The following CIAO3 variants were observed in gnomAD, a reference collection of about 807,000 sequenced individuals.
CIAO3 encodes LET1 like/JFP15.
A neutral mutation model predicts 51.5 loss-of-function variants in CIAO3; 45 were observed. The ratio of observed to expected loss-of-function variants is 0.87; its 90% CI spans 0.69 to 1.12. The LOEUF (loss-of-function observed/expected upper bound fraction) is 1.12, where lower values mean the gene tolerates loss of function less well. Among genes scored for constraint, CIAO3 ranks in the 50% most tolerant of loss-of-function variants. CIAO3 has a pLI of 0.00. For synonymous variants in CIAO3, 314 were observed against 269.3 expected, an observed-to-expected ratio of 1.17 and a Z score of -1.63; for missense variants, 668 against 632.5, an observed-to-expected ratio of 1.06 and a Z score of -0.60.
intron 2 of CIAO3, among the ~76,000 whole-genome samples, chr16:738,762 C>G (rs1427039767): frequency 6.6e-6 from 1 of 151,600 alleles, no homozygotes; most frequent in Non-Finnish European, 1.5e-5. Flanking sequence ...ATTCTCCTGC[C>G]TCACCCTCTT....
chr16:729,894 A>T lies in CIAO3; in HGVS notation c.*523T>A. 5.2e-6 allele frequency: 2 copies of T among 383,332 alleles called. No individual in the cohort carries two copies. The highest frequency in any genetic ancestry group is 4.6e-5 in the South Asian group (2 of 43,852). 23.7% of individuals were successfully genotyped at this position (383,332 alleles called of 1,614,324 possible). A position where few individuals can be genotyped will look rare whatever the true frequency, so the allele number is the denominator to read the frequency against. On this transcript the variant is annotated 3_prime_UTR_variant, in exon 11 of 11. Coordinates refer to ENST00000251588, the MANE Select transcript of CIAO3 (RefSeq NM_022493.3). ...GCTTGCCCCGGACCACAGCCTCGTA[A>T]CGGTAACCCCTGCTTTCCAGGGGCC...
rs1026425659 is a variant in CIAO3, at chr16:730,179, G to A, written c.*238C>T. ...AACGGAACAGGCTCTGGGACCTCAG[G>A]GAACCTTCTGCTGCCTGGGCCACCC... On this transcript the variant is annotated 3_prime_UTR_variant, in exon 11 of 11. Transcript: ENST00000251588. 6 of 585,610 alleles carry A rather than the reference G, an allele frequency of 1.0e-5. No individual in the cohort carries two copies. The highest frequency in any genetic ancestry group is 3.0e-5 in the Admixed American group (1 of 33,012). The allele number at this position is 585,610 out of a possible 1,614,324, so 36.3% of individuals were successfully genotyped here. A position where few individuals can be genotyped will look rare whatever the true frequency, so the allele number is the denominator to read the frequency against.
chr16:740,091 C>G lies in CIAO3; in HGVS notation c.67-353G>C. 5 of 1,332,218 alleles carry G rather than the reference C, an allele frequency of 3.8e-6. No individual in the cohort carries two copies. In the South Asian group the frequency reaches 6.1e-5, roughly 16 times the overall value. The allele number at this position is 1,332,218 out of a possible 1,614,324, so 82.5% of individuals were successfully genotyped here. A position where few individuals can be genotyped will look rare whatever the true frequency, so the allele number is the denominator to read the frequency against. On this transcript the variant is annotated intron_variant, in intron 1 of 10. Transcript: ENST00000251588. ...AGAGTTGCACTGCCCATCGAGAGGA[C>G]GTGTGCTTGGATCTGTTTGGAGACC...
intron 3 of CIAO3, 36 bp from the exon 4 acceptor site, chr16:736,434 G>T (rs150641624): frequency 7.0e-5 from 112 of 1,610,482 alleles, no homozygotes; most frequent in Non-Finnish European, 8.6e-5. Context: ...TTACTCTGCT[G>T]GCCTTATGCT....
At position 732,296 on chromosome 16, in the gene CIAO3, C is replaced by T. The variant is rs765890312; in HGVS notation, c.896+5G>A. ...ATAACAGTTCTTGGTGGCAGACATA[C>T]GTACAGGCTGTCCAGAGGGGCTGGT... On this transcript the variant is annotated splice_donor_5th_base_variant and intron_variant, in intron 8 of 10. Transcript: ENST00000251588. 27 of 1,608,944 alleles carry T rather than the reference C, an allele frequency of 1.7e-5. No homozygotes were observed. Among genetic ancestry groups the T allele is most frequent in the Admixed American group, 3.3e-5 (2 of 59,836 alleles).
In CIAO3 at chr16:730,986, TG is replaced by T; in HGVS notation, c.1048del (p.Gln350ArgfsTer3). The part of the protein sequence containing the change: ...TYKPLRNKDF[Q>X]EVTLEKEGQV... ...GCCCTCCTTCTCCAGTGTCACCTCC[TG>T]GAAGTCTTTGTTCCTGGGGGGCACA... On this transcript the variant is annotated frameshift_variant, in exon 10 of 11. Coordinates refer to ENST00000251588, the MANE Select transcript of CIAO3 (RefSeq NM_022493.3). LOFTEE classifies it high-confidence loss of function. 6.2e-7 allele frequency: 1 copy of T among 1,612,734 alleles called. No homozygotes were observed. Among genetic ancestry groups the T allele is most frequent in the South Asian group, 1.1e-5 (1 of 91,090 alleles).
rs1427563412 is a variant in CIAO3 at position 733,419 on chromosome 16, G to T, written c.702C>A (p.Thr234=). The change falls in exon 7 of 11, where the codon ACC becomes ACA. Residue 234 remains threonine (T), a synonymous_variant. Transcript: ENST00000251588. ...KDFFAQQQHL[T]PDKIYHVTVM... is the part of the protein sequence containing the mutation. Reference sequence around the variant, plus strand: ...CTGTGACGTGGTAGATCTTGTCAGGGGTCAAGTGCTACAAGGAGAAACAAA... The same window carrying T: ...CTGTGACGTGGTAGATCTTGTCAGGTGTCAAGTGCTACAAGGAGAAACAAA... The T allele has an allele frequency of 1.2e-6, 2 of 1,613,750 alleles. No individual in the cohort carries two copies. Among genetic ancestry groups the T allele is most frequent in the East Asian group, 4.5e-5 (2 of 44,884 alleles).
At chr16:733,649 G>A (rs1415362589) in intron 6 of CIAO3, 8 of 604,504 alleles carry the variant, frequency 1.3e-5, no homozygotes, top group South Asian at 5.9e-5. Context: ...GTGTGCCTGC[G>A]CTCCCTAACA....
At chr16:731,161 G>A (rs889828718) in intron 9 of CIAO3, 161 bp from the exon 10 acceptor site, 4 of 948,672 alleles carry the variant, frequency 4.2e-6, no homozygotes, top group African/African-American at 3.3e-5. Flanking sequence ...GAGAGAGGGT[G>A]GAAGGCTCAC....
chr16:730,885 G>T lies in CIAO3; in HGVS notation c.1150C>A (p.Arg384Ser), dbSNP rs777141563. The change falls in exon 10 of 11, where the codon CGC (arginine) becomes AGC (serine). Residue 384 changes from arginine to serine, a missense_variant. By Grantham distance (110) the Arg-to-Ser change is moderately radical. Coordinates refer to ENST00000251588, the MANE Select transcript of CIAO3 (RefSeq NM_022493.3). ...QNLVQRLKRG[R>S]CPYHYVEVMA... ...ACCTCCACGTAGTGGTAGGGGCAGCGCCCTCGTTTGAGCCTCTGCACCAGG... is the reference window on the plus strand; with the variant it reads ...ACCTCCACGTAGTGGTAGGGGCAGCTCCCTCGTTTGAGCCTCTGCACCAGG... 3 of 1,612,874 alleles carry T rather than the reference G, an allele frequency of 1.9e-6. No homozygotes were observed. In the South Asian group the frequency reaches 3.3e-5, roughly 18 times the overall value.
intron 5 of CIAO3, 84 bp from the exon 6 acceptor site, chr16:734,431 C>G (rs187786229): frequency 1.0e-6 from 1 of 991,352 alleles, no homozygotes; most frequent in Non-Finnish European, 1.5e-6. Flanking sequence ...ATTCTGGGGG[C>G]GGGCCCGCTC....
At chr16:735,777 G>A (rs2041331397) in intron 4 of CIAO3, among the ~76,000 whole-genome samples, 1 of 152,194 alleles carries the variant, frequency 6.6e-6, no homozygotes, top group Admixed American at 6.5e-5. Context: ...CTGCCTCACT[G>A]GGAATGAAGG....
intron 1 of CIAO3, chr16:740,650 A>C: frequency 2.0e-6 from 1 of 511,774 alleles, no homozygotes; most frequent in Non-Finnish European, 3.5e-6. Flanking sequence ...CGACCACGGG[A>C]CCCTCCCACG....
Position 737,405 on chromosome 16 carries a change from G to C in CIAO3, c.163-76C>G, listed in dbSNP as rs2041350654. 1.9e-6 allele frequency: 3 copies of C among 1,596,508 alleles called. No homozygotes were observed. Among genetic ancestry groups the C allele is most frequent in the Non-Finnish European group, 2.6e-6 (3 of 1,169,298 alleles). On this transcript the variant is annotated intron_variant, in intron 2 of 10. Transcript: ENST00000251588. The surrounding 1 kb of genome is among the most constrained non-coding windows in gnomAD (Gnocchi z 5.3). ...TGGAGACAGAGGATAGTGGAGTCCA[G>C]CTCATAACCGACAACCAACATGGCT... is the stretch of plus-strand genomic sequence containing the variant.
At chr16:731,080 T>C in intron 9 of CIAO3, 80 bp from the exon 10 acceptor site, 1 of 1,563,978 alleles carries the variant, frequency 6.4e-7, no homozygotes, top group Non-Finnish European at 8.7e-7. Flanking sequence ...CCTGCTGGGC[T>C]TCAGGGGATG....
At chr16:731,032 G>A in intron 9 of CIAO3, 32 bp from the exon 10 acceptor site, 1 of 1,609,724 alleles carries the variant, frequency 6.2e-7, no homozygotes, top group Non-Finnish European at 8.5e-7. Context: ...TGTCTACATG[G>A]CACACCCACC....
intron 1 of CIAO3, chr16:740,053 C>A (rs1318621201): frequency 1.6e-5 from 22 of 1,388,128 alleles, no homozygotes; most frequent in Non-Finnish European, 2.1e-5. Flanking sequence ...GGGGCGTGAC[C>A]ACCACAGAGA....
chr16:738,062 G>C lies in CIAO3; in HGVS notation c.163-733C>G. The stretch of plus-strand genomic sequence containing the variant: ...CAGCCCAGCTCTCTGCTAGGCCTGT[G>C]TATCACAATCTGAGCTCGCCTTGTA... On this transcript the variant is annotated intron_variant, in intron 2 of 10. Coordinates refer to ENST00000251588, the MANE Select transcript of CIAO3 (RefSeq NM_022493.3). 9.5e-6 allele frequency: 10 copies of C among 1,056,190 alleles called. No homozygotes were observed. In the South Asian group the frequency reaches 2.9e-4, roughly 30 times the overall value. The allele number at this position is 1,056,190 out of a possible 1,614,324, so 65.4% of individuals were successfully genotyped here. A position where few individuals can be genotyped will look rare whatever the true frequency, so the allele number is the denominator to read the frequency against.
chr16:732,313 G>A lies in CIAO3; in HGVS notation c.884C>T (p.Pro295Leu), dbSNP rs746586223. 1.2e-6 allele frequency: 2 copies of A among 1,612,726 alleles called. No homozygotes were observed. The highest frequency in any genetic ancestry group is 8.5e-7 in the Non-Finnish European group (1 of 1,179,558). The part of the protein sequence containing the change: ...GVSLPDLEPA[P>L]LDSLCSGASA... ...CAGACATACGTACAGGCTGTCCAGA[G>A]GGGCTGGTTCCAGGTCGGGGAGGGA... The change falls in exon 8 of 11, where the codon CCT (proline) becomes CTT (leucine). Residue 295 changes from proline to leucine, a missense_variant. By Grantham distance (98) the Pro-to-Leu change is moderately conservative. Transcript: ENST00000251588.
Sources: allele counts gnomAD v4.1 joint callset (sites outside exome capture counted in the v4.1 genomes callset), GRCh38; gene constraint gnomAD v4.1.1; non-coding constraint Gnocchi (gnomAD v3.1); transcripts MANE v1.5; gene names NCBI Gene and HGNC (gene_info 2026-07-23, HGNC 2026-07-21).